MSI2: variants seen among roughly 807,000 people sequenced by gnomAD.
MSI2 encodes the protein RNA-binding protein Musashi homolog 2.
MSI2 carries 17 observed loss-of-function variants against 45.6 expected under a neutral mutation model. That is an observed-to-expected ratio of 0.37 (90% CI 0.26 to 0.56). The LOEUF (loss-of-function observed/expected upper bound fraction) is 0.56. MSI2 is among the 20% of genes least tolerant of loss of function. The pLI is 0.77. For missense variants in MSI2, 293 were observed against 444.2 expected, an observed-to-expected ratio of 0.66 and a Z score of 3.06; for synonymous variants, 156 against 158.2, an observed-to-expected ratio of 0.99 and a Z score of 0.11.
chr17:57,563,877 C>T (rs1245785362), intron 7 of MSI2, among the ~76,000 whole-genome samples: 2 of 152,128 alleles, frequency 1.3e-5, no homozygotes, highest in African/African-American at 2.4e-5. Flanking sequence ...CCTCCGCCCT[C>T]CCTAAAGATG....
intron 5 of MSI2, among the ~76,000 whole-genome samples, chr17:57,273,932 C>A (rs1039422940): frequency 2.0e-5 from 3 of 152,152 alleles, no homozygotes; most frequent in African/African-American, 7.2e-5. Flanking sequence ...AGTGTCAGAG[C>A]GGGGGAACTG....
intron 9 of MSI2, chr17:57,626,253 G>T (rs1024654203): frequency 1.3e-5 from 2 of 152,262 alleles, no homozygotes; most frequent in Non-Finnish European, 2.9e-5. Context: ...GAGCAAGAAT[G>T]TACTGAGGTT....
chr17:57,632,613 C>G, intron 10 of MSI2: 2 of 1,066,140 alleles, frequency 1.9e-6, no homozygotes, highest in Non-Finnish European at 2.3e-6. Context: ...TGATCAGGCC[C>G]CATCTCAAGG....
At chr17:57,259,488 T>A (rs1425737171) in intron 4 of MSI2, among the ~76,000 whole-genome samples, 4 of 152,220 alleles carry the variant, frequency 2.6e-5, no homozygotes, top group Non-Finnish European at 5.9e-5. Context: ...CTGGCAACCT[T>A]CGGTGCACTT....
At chr17:57,547,297 G>T (rs1008747035) in intron 7 of MSI2, among the ~76,000 whole-genome samples, 1 of 152,182 alleles carries the variant, frequency 6.6e-6, no homozygotes, top group African/African-American at 2.4e-5. Context: ...CCCTCAGGAG[G>T]AGGTCAGAAG....
intron 6 of MSI2, among the ~76,000 whole-genome samples, chr17:57,443,675 C>T (rs9916532): frequency 0.02 from 3,110 of 152,218 alleles, 112 homozygotes; most frequent in African/African-American, 0.069. Context: ...TGTGTTTGCT[C>T]TGCCCGTGTG....
At chr17:57,480,001 G>A (rs7219703) in intron 6 of MSI2, among the ~76,000 whole-genome samples, 2,397 of 151,818 alleles carry the variant, frequency 0.016, 72 homozygotes, top group African/African-American at 0.054. Flanking sequence ...TTTTTGAGTC[G>A]GAGTCTTGCT....
chr17:57,515,181 T>G (rs1037987131), intron 6 of MSI2, among the ~76,000 whole-genome samples: 2 of 152,194 alleles, frequency 1.3e-5, no homozygotes, highest in Admixed American at 1.3e-4. Context: ...CTGGGTTTGA[T>G]GCTCTTTTTT....
chr17:57,540,183 G>C (rs2087012049), intron 7 of MSI2, among the ~76,000 whole-genome samples: 1 of 152,240 alleles, frequency 6.6e-6, no homozygotes, highest in South Asian at 2.1e-4. Context: ...GACTTGGGAA[G>C]TTTAAGTGAG....
At chr17:57,604,074 G>T (rs149968470) in intron 8 of MSI2, among the ~76,000 whole-genome samples, 55 of 152,336 alleles carry the variant, frequency 3.6e-4, no homozygotes, top group Non-Finnish European at 5.9e-4. Context: ...CAACCAGGGC[G>T]GCCTTCCTGG....
chr17:57,270,332 G>T (rs937405808), intron 5 of MSI2, among the ~76,000 whole-genome samples: 4 of 152,164 alleles, frequency 2.6e-5, no homozygotes, highest in Non-Finnish European at 4.4e-5. Flanking sequence ...TAGAACCATA[G>T]AACTAGTAAG....
At chr17:57,304,385 AAAG>A (rs1372797812) in intron 5 of MSI2, among the ~76,000 whole-genome samples, 3 of 151,050 alleles carry the variant, frequency 2.0e-5, no homozygotes, top group Non-Finnish European at 4.4e-5. Flanking sequence ...AAAAAGAAAA[AAAG>A]AAACCCATTG....
intron 7 of MSI2, chr17:57,531,995 G>T: frequency 6.6e-6 from 1 of 152,538 alleles, no homozygotes. Context: ...GTTGTGAGGT[G>T]GAGGATGGTC....
intron 10 of MSI2, among the ~76,000 whole-genome samples, chr17:57,636,709 T>G (rs1909867392): frequency 6.6e-6 from 1 of 152,206 alleles, no homozygotes; most frequent in African/African-American, 2.4e-5. Context: ...CTGCTTCAGT[T>G]TTTAAGGGAC....
intron 7 of MSI2, among the ~76,000 whole-genome samples, chr17:57,590,961 G>A (rs757189200): frequency 3.9e-5 from 6 of 152,190 alleles, no homozygotes; most frequent in Non-Finnish European, 8.8e-5. Flanking sequence ...AGCAGTGGAT[G>A]TTCACAGGGG....
chr17:57,673,433 G>A (rs1430134233), intron 11 of MSI2, among the ~76,000 whole-genome samples: 1 of 152,220 alleles, frequency 6.6e-6, no homozygotes, highest in African/African-American at 2.4e-5. Context: ...AGTGATTGTT[G>A]CAAGGAGCAG....
intron 6 of MSI2, among the ~76,000 whole-genome samples, chr17:57,410,562 G>C (rs1003190104): frequency 2.7e-5 from 4 of 149,296 alleles, no homozygotes; most frequent in Non-Finnish European, 5.9e-5. Flanking sequence ...GCTTCTTGTA[G>C]TTAAAGAGCA....
chr17:57,525,917 A>G (rs540082321), intron 6 of MSI2, among the ~76,000 whole-genome samples: 2 of 152,316 alleles, frequency 1.3e-5, no homozygotes, highest in African/African-American at 2.4e-5. Context: ...GGGGTATTTC[A>G]TAAGGGGTTA....
At chr17:57,410,402 C>G (rs911467658) in intron 6 of MSI2, among the ~76,000 whole-genome samples, 2 of 152,026 alleles carry the variant, frequency 1.3e-5, no homozygotes, top group Non-Finnish European at 2.9e-5. Flanking sequence ...TGAGCACAGG[C>G]CGGCAAGTGT....
Sources: gnomAD v4.1 joint callset for allele counts (sites outside exome capture counted in the v4.1 genomes callset) on GRCh38, gnomAD v4.1.1 for gene constraint, MANE v1.5 for transcripts, NCBI Gene and HGNC (gene_info 2026-07-23, HGNC 2026-07-21) for gene names.